KCNIP4: variants seen among roughly 807,000 people sequenced by gnomAD.
KCNIP4 encodes the protein potassium voltage-gated channel interacting protein 4, also known as Kv channel-interacting protein 4.
A neutral mutation model predicts 34.0 loss-of-function variants in KCNIP4; 12 were observed. That is an observed-to-expected ratio of 0.35 (90% CI 0.23 to 0.57). The LOEUF (loss-of-function observed/expected upper bound fraction) is 0.57. Among genes scored for constraint, KCNIP4 ranks in the 20% least tolerant of loss-of-function variants. The pLI, the probability that KCNIP4 is intolerant of heterozygous loss-of-function variation, is 0.83. For missense variants in KCNIP4, 238 were observed against 311.7 expected, an observed-to-expected ratio of 0.76 and a Z score of 1.78; for synonymous variants, 124 against 102.2, an observed-to-expected ratio of 1.21 and a Z score of -1.29.
At chr4:21,242,039 C>T (rs999753079) in intron 1 of KCNIP4, among the ~76,000 whole-genome samples, 3 of 151,766 alleles carry the variant, frequency 2.0e-5, no homozygotes, top group African/African-American at 7.3e-5. Flanking sequence ...TGGTGGGTGC[C>T]TGCAGTCCCA....
chr4:21,388,186 A>C (rs1023834614), intron 1 of KCNIP4, among the ~76,000 whole-genome samples: 1 of 151,892 alleles, frequency 6.6e-6, no homozygotes, highest in Non-Finnish European at 1.5e-5. Flanking sequence ...ATTATAACGG[A>C]TTACCATCAC....
chr4:21,010,203 G>A (rs761686712), intron 1 of KCNIP4, among the ~76,000 whole-genome samples: 11 of 152,278 alleles, frequency 7.2e-5, no homozygotes, highest in Non-Finnish European at 1.5e-4. Context: ...CAATGAAAAA[G>A]CACAAGGCGT....
chr4:20,947,669 T>C (rs1234563032), intron 1 of KCNIP4, among the ~76,000 whole-genome samples: 1 of 152,220 alleles, frequency 6.6e-6, no homozygotes, highest in Admixed American at 6.5e-5. Context: ...GGAAGCTCCT[T>C]AACTTTATTT....
Position 21,707,182 on chromosome 4 carries a change from T to A in KCNIP4, c.61+241389A>T, listed in dbSNP as rs114767136. Among the ~76,000 whole-genome samples, 931 of 152,322 alleles carry A rather than the reference T, an allele frequency of 6.1e-3. 10 individuals are homozygous for A. The highest frequency in any genetic ancestry group is 0.021 in the African/African-American group (874 of 41,578). On this transcript the variant is annotated intron_variant, in intron 1 of 8. Coordinates refer to ENST00000382152, the MANE Select transcript of KCNIP4 (RefSeq NM_025221.6). Reference sequence around the variant, plus strand: ...AGGTAATGTCTAAATGATGCCATTGTTGAGGCTTTCTGCCATAGTCTAATG... The same window carrying A: ...AGGTAATGTCTAAATGATGCCATTGATGAGGCTTTCTGCCATAGTCTAATG...
At chr4:21,750,823 C>T (rs1033522284) in intron 1 of KCNIP4, among the ~76,000 whole-genome samples, 1 of 152,106 alleles carries the variant, frequency 6.6e-6, no homozygotes, top group Admixed American at 6.6e-5. Flanking sequence ...CTAATGTGAG[C>T]ATTCCATTTC....
At chr4:21,695,933 G>A (rs1052354352) in intron 1 of KCNIP4, among the ~76,000 whole-genome samples, 2 of 151,808 alleles carry the variant, frequency 1.3e-5, no homozygotes, top group South Asian at 4.2e-4. Flanking sequence ...TAATATGCAG[G>A]TAATGTCAAA....
intron 1 of KCNIP4, among the ~76,000 whole-genome samples, chr4:21,448,910 C>T (rs549185015): frequency 2.0e-5 from 3 of 152,252 alleles, no homozygotes; most frequent in Non-Finnish European, 4.4e-5. Flanking sequence ...AGAAACATTG[C>T]CAGCCTGGAC....
At chr4:20,738,640 T>C (rs1045589207) in intron 5 of KCNIP4, among the ~76,000 whole-genome samples, 7 of 152,164 alleles carry the variant, frequency 4.6e-5, no homozygotes, top group Admixed American at 1.3e-4. Flanking sequence ...GATGGCTACA[T>C]AGGAACAGCT....
At chr4:21,283,804 A>AAAAT (rs946312783) in intron 1 of KCNIP4, among the ~76,000 whole-genome samples, 7 of 151,870 alleles carry the variant, frequency 4.6e-5, no homozygotes, top group Non-Finnish European at 7.4e-5. Context: ...GTATAATAAT[A>AAAAT]AAATAAATAA....
intron 1 of KCNIP4, among the ~76,000 whole-genome samples, chr4:21,706,630 G>A (rs569123686): frequency 2.1e-4 from 32 of 152,122 alleles, no homozygotes; most frequent in Non-Finnish European, 4.4e-4. Context: ...GTGACTGATT[G>A]ATTAAGGGAA....
chr4:21,583,331 G>A (rs1443934275), intron 1 of KCNIP4, among the ~76,000 whole-genome samples: 1 of 151,818 alleles, frequency 6.6e-6, no homozygotes, highest in Non-Finnish European at 1.5e-5. Context: ...AGTTATTTAG[G>A]CTTGCTGTGC....
At chr4:21,682,595 T>A (rs1404585710) in intron 1 of KCNIP4, among the ~76,000 whole-genome samples, 1 of 152,214 alleles carries the variant, frequency 6.6e-6, no homozygotes. Context: ...ATTTCAGCTA[T>A]TTTGGCTTTG....
intron 1 of KCNIP4, among the ~76,000 whole-genome samples, chr4:21,206,081 C>T (rs1451560146): frequency 1.3e-5 from 2 of 152,190 alleles, no homozygotes; most frequent in East Asian, 1.9e-4. Context: ...TAAATGTTAA[C>T]ATTCATTTGC....
At chr4:21,865,333 A>C (rs1725350717) in intron 1 of KCNIP4, among the ~76,000 whole-genome samples, 1 of 151,902 alleles carries the variant, frequency 6.6e-6, no homozygotes, top group Admixed American at 6.6e-5. Context: ...AAGAAGAAAT[A>C]AGTGGGTGAG....
chr4:21,218,126 C>T (rs923598183), intron 1 of KCNIP4, among the ~76,000 whole-genome samples: 14 of 151,816 alleles, frequency 9.2e-5, no homozygotes, highest in Non-Finnish European at 1.8e-4. Context: ...AGTGATTCTC[C>T]TGCCTCAGTC....
In KCNIP4 at chr4:21,363,169, A is replaced by G. The variant is rs117458769; in HGVS notation, c.62-480460T>C. Among the ~76,000 whole-genome samples the G allele has an allele frequency of 1.1e-3, 163 of 152,264 alleles. 1 individual carries two copies. The East Asian group carries it at 0.029, about 27-fold the overall frequency. On this transcript the variant is annotated intron_variant, in intron 1 of 8. Transcript: ENST00000382152. ...TACTGAAGTTGAAGTCATGATTTGA[A>G]TGCTTGTCTGATTCTACATTCTCTC...
rs76137408 is a variant in KCNIP4, at chr4:20,950,579, T to G, written c.62-67870A>C. 4.6e-5 allele frequency among the ~76,000 whole-genome samples: 7 copies of G among 152,088 alleles called. No individual in the cohort carries two copies. In the East Asian group the frequency reaches 5.8e-4, roughly 13 times the overall value. ...TTTCTGGTGGCAATTTAACTCCAAG[T>G]TGATGCAATCAGTACTCTGCACAGG... On this transcript the variant is annotated intron_variant, in intron 1 of 8. Transcript: ENST00000382152.
intron 1 of KCNIP4, among the ~76,000 whole-genome samples, chr4:21,559,735 G>A (rs1739367311): frequency 6.6e-6 from 1 of 151,998 alleles, no homozygotes; most frequent in Non-Finnish European, 1.5e-5. Context: ...TTACTAATGA[G>A]AAAACCAAGA....
At chr4:20,859,577 C>T (rs896453215) in intron 2 of KCNIP4, among the ~76,000 whole-genome samples, 8 of 152,130 alleles carry the variant, frequency 5.3e-5, no homozygotes, top group Admixed American at 5.2e-4. Context: ...TCTGACTCAA[C>T]AGTCCCCTCA....
Sources: allele counts gnomAD v4.1 joint callset (sites outside exome capture counted in the v4.1 genomes callset), GRCh38; gene constraint gnomAD v4.1.1; transcripts MANE v1.5; gene names NCBI Gene and HGNC (gene_info 2026-07-23, HGNC 2026-07-21).